The following MBP variants were observed in gnomAD, a reference collection of about 807,000 sequenced individuals.
MBP encodes Golli-MBP.
In MBP, 16 loss-of-function variants were observed where a neutral mutation model predicts 35.8. The ratio of observed to expected loss-of-function variants is 0.45; its 90% CI spans 0.30 to 0.68. MBP has a LOEUF of 0.68. Ranked by LOEUF, MBP falls within the 30% of genes least tolerant of loss-of-function variation. The pLI is 0.08. For missense variants in MBP, 380 were observed against 404.7 expected (o/e 0.94, Z 0.52); for synonymous variants, 143 against 159.6 (o/e 0.90, Z 0.78).
chr18:77,069,769 C>T (rs1413918047), intron 2 of MBP, among the ~76,000 whole-genome samples: 1 of 152,178 alleles, frequency 6.6e-6, no homozygotes, highest in Non-Finnish European at 1.5e-5. Flanking sequence ...TGTGCGCCAG[C>T]TTGTGCACAC....
At chr18:77,029,707 T>A (rs1170747842) in intron 3 of MBP, among the ~76,000 whole-genome samples, 1 of 152,122 alleles carries the variant, frequency 6.6e-6, no homozygotes, top group Non-Finnish European at 1.5e-5. Context: ...TGGTAGCGCA[T>A]CTAGTTAGGT....
intron 3 of MBP, among the ~76,000 whole-genome samples, chr18:77,034,825 C>T (rs1004893331): frequency 1.3e-5 from 2 of 152,340 alleles, no homozygotes; most frequent in Admixed American, 1.3e-4. Flanking sequence ...CGGTGGGCGA[C>T]GTCCTCTTTG....
intron 4 of MBP, among the ~76,000 whole-genome samples, chr18:77,007,077 A>T (rs1267870217): frequency 6.6e-6 from 1 of 151,986 alleles, no homozygotes; most frequent in South Asian, 2.1e-4. Flanking sequence ...TGAGCCTTCC[A>T]CCCAGCTGCT....
At chr18:77,041,379 A>C (rs1972983015) in intron 3 of MBP, among the ~76,000 whole-genome samples, 1 of 152,212 alleles carries the variant, frequency 6.6e-6, no homozygotes, top group Admixed American at 6.5e-5. Flanking sequence ...GCGATTCCTC[A>C]GGGATCTAGA....
At chr18:76,986,471 C>A (rs532535367) in intron 7 of MBP, 974 of 985,522 alleles carry the variant, frequency 9.9e-4, no homozygotes, top group Non-Finnish European at 1.1e-3. Context: ...TCCCACCATA[C>A]AAGCTACTTG....
chr18:76,985,098 C>G, intron 7 of MBP: 1 of 1,523,498 alleles, frequency 6.6e-7, no homozygotes, highest in Non-Finnish European at 8.8e-7. Context: ...GGGTGTTGGC[C>G]GCAGAGAGAG....
chr18:77,084,431 C>CCACACACACACACACA lies in MBP; in HGVS notation c.52-18062_52-18047dup, dbSNP rs60010988. On this transcript the variant is annotated intron_variant, in intron 2 of 8. Coordinates refer to ENST00000355994, the MANE Select transcript of MBP (RefSeq NM_001025101.2). ...ACACCGCCCCCCCCGCCACACCACA[C>CCACACACACACACACA]CACACACACACACACACACACACAC... Among the ~76,000 whole-genome samples, 2 of 105,964 alleles carry CCACACACACACACACA rather than the reference C, an allele frequency of 1.9e-5. 1 individual carries two copies. The highest frequency in any genetic ancestry group is 6.4e-4 in the East Asian group (2 of 3,136). The allele number at this position is 105,964 out of a possible 152,430, so 69.5% of individuals were successfully genotyped here. A position where few individuals can be genotyped will look rare whatever the true frequency, so the allele number is the denominator to read the frequency against.
chr18:77,078,298 C>T (rs951464394), intron 2 of MBP, among the ~76,000 whole-genome samples: 2 of 152,212 alleles, frequency 1.3e-5, no homozygotes, highest in African/African-American at 4.8e-5. Flanking sequence ...ACCTTCCTAC[C>T]TCCACTTTCA....
chr18:77,085,482 T>C (rs1195589008), intron 2 of MBP, among the ~76,000 whole-genome samples: 2 of 152,176 alleles, frequency 1.3e-5, no homozygotes, highest in Non-Finnish European at 2.9e-5. Context: ...CATTGAATGA[T>C]CTCATGGCCC....
intron 2 of MBP, among the ~76,000 whole-genome samples, chr18:77,088,820 C>G (rs1975383735): frequency 6.6e-6 from 1 of 152,236 alleles, no homozygotes; most frequent in African/African-American, 2.4e-5. Context: ...GTCCTAGCCC[C>G]TAGCGCCTTG....
rs1969107047 is a variant in MBP, at chr18:76,980,327, G to T, written c.*100C>A. ...ACAACTCCGCAGGCATTAGGGGAGG[G>T]GTCATCTGCTCTAATTAGGTAACAG... On this transcript the variant is annotated 3_prime_UTR_variant, in exon 9 of 9. Coordinates refer to ENST00000355994, the MANE Select transcript of MBP (RefSeq NM_001025101.2). The T allele has an allele frequency of 9.2e-7, 1 of 1,083,378 alleles. No homozygotes were observed. Among genetic ancestry groups the T allele is most frequent in the Non-Finnish European group, 1.4e-6 (1 of 695,294 alleles). The allele number at this position is 1,083,378 out of a possible 1,614,324, so 67.1% of individuals were successfully genotyped here.
chr18:77,068,527 C>T (rs1323534995), intron 2 of MBP, among the ~76,000 whole-genome samples: 2 of 152,210 alleles, frequency 1.3e-5, no homozygotes, highest in Non-Finnish European at 2.9e-5. Flanking sequence ...CTCTGCTCGG[C>T]TCATTGGAGC....
In MBP at chr18:76,988,800, C is replaced by G. The variant is rs1359210679; in HGVS notation, c.717+77G>C. On this transcript the variant is annotated intron_variant, in intron 6 of 8. Coordinates refer to ENST00000355994, the MANE Select transcript of MBP (RefSeq NM_001025101.2). The surrounding 1 kb of genome is among the most constrained non-coding windows in gnomAD (Gnocchi z 5.2). The stretch of plus-strand genomic sequence containing the variant: ...TTCTGGTAGCTCGGAGCCTAACTCT[C>G]TCTTTGGTACATTATGGGATTTTAG... 9.3e-6 allele frequency: 14 copies of G among 1,503,556 alleles called. No individual in the cohort carries two copies. Among genetic ancestry groups the G allele is most frequent in the Admixed American group, 3.7e-5 (2 of 53,624 alleles). 93.1% of individuals were successfully genotyped at this position (1,503,556 alleles called of 1,614,324 possible).
In MBP at chr18:76,988,311, G is replaced by T. The variant is rs943550363; in HGVS notation, c.750+184C>A. 1 of 1,567,036 alleles carries T rather than the reference G, an allele frequency of 6.4e-7. No homozygotes were observed. Among genetic ancestry groups the T allele is most frequent in the East Asian group, 2.4e-5 (1 of 41,916 alleles). On this transcript the variant is annotated intron_variant, in intron 7 of 8. Coordinates refer to ENST00000355994, the MANE Select transcript of MBP (RefSeq NM_001025101.2). The surrounding 1 kb of genome is among the most constrained non-coding windows in gnomAD (Gnocchi z 5.2). Reference sequence around the variant, plus strand: ...GCAAGAGACCAGACCTTCCGGAAGGGAAGACCACGTTTCATTTCCCCAGTG... The same window carrying T: ...GCAAGAGACCAGACCTTCCGGAAGGTAAGACCACGTTTCATTTCCCCAGTG...
At chr18:77,003,689 C>T (rs147301181) in intron 4 of MBP, 97 of 152,232 alleles carry the variant, frequency 6.4e-4, no homozygotes, top group African/African-American at 2.3e-3. Flanking sequence ...AATTAGGAAT[C>T]GTAAAATGTA....
chr18:77,129,593 G>A (rs780201411), intron 1 of MBP, among the ~76,000 whole-genome samples: 43 of 152,292 alleles, frequency 2.8e-4, no homozygotes, highest in South Asian at 6.2e-4. Context: ...CCAGCTACTC[G>A]CCTGGCATTT....
At chr18:76,984,025 G>A (rs1969379060) in intron 8 of MBP, 3 of 152,184 alleles carry the variant, frequency 2.0e-5, no homozygotes, top group African/African-American at 7.2e-5. Flanking sequence ...TTGGCTTCAC[G>A]GTTCCCTCCC....
At chr18:77,085,770 C>T (rs186283517) in intron 2 of MBP, among the ~76,000 whole-genome samples, 13 of 151,280 alleles carry the variant, frequency 8.6e-5, no homozygotes, top group African/African-American at 2.7e-4. Context: ...CCGCAACCTC[C>T]ACCTCCCGGT....
intron 3 of MBP, among the ~76,000 whole-genome samples, chr18:77,061,506 AGAG>A (rs1250648349): frequency 2.0e-5 from 3 of 152,214 alleles, no homozygotes; most frequent in Non-Finnish European, 4.4e-5. Flanking sequence ...AGACACAAAC[AGAG>A]GAGTTCATTG....
Sources: allele counts gnomAD v4.1 joint callset (sites outside exome capture counted in the v4.1 genomes callset), GRCh38; gene constraint gnomAD v4.1.1; non-coding constraint Gnocchi (gnomAD v3.1); transcripts MANE v1.5; gene names NCBI Gene and HGNC (gene_info 2026-07-23, HGNC 2026-07-21).